TEX9: variants seen among roughly 807,000 people sequenced by gnomAD.
TEX9 encodes testis expressed 9.
TEX9 carries 74 observed loss-of-function variants against 59.6 expected under a neutral mutation model. The ratio of observed to expected loss-of-function variants is 1.24; its 90% CI spans 1.03 to 1.51. The LOEUF (loss-of-function observed/expected upper bound fraction) is 1.51. Ranked by LOEUF, TEX9 falls within the 40% of genes most tolerant of loss-of-function variation. The probability of loss-of-function intolerance (pLI) is 0.00; values close to 1 mark genes in which losing one functional copy is unlikely to be tolerated. For missense variants in TEX9, 522 were observed against 447.8 expected, an observed-to-expected ratio of 1.17 and a Z score of -1.49; for synonymous variants, 186 against 152.2, an observed-to-expected ratio of 1.22 and a Z score of -1.64.
At chr15:56,354,200 A>G (rs1248673820) in intron 1 of TEX9, among the ~76,000 whole-genome samples, 3 of 152,198 alleles carry the variant, frequency 2.0e-5, no homozygotes, top group East Asian at 1.9e-4. Flanking sequence ...TTACATTAAT[A>G]CTCAGATGTC....
Position 56,389,526 on chromosome 15 carries a change from A to G in TEX9, c.395+126A>G, listed in dbSNP as rs2048110433. On this transcript the variant is annotated intron_variant, in intron 6 of 12. Coordinates refer to ENST00000352903, the Ensembl canonical transcript of TEX9. ...TACACCCTAAACATTAAGTTACACC[A>G]CATATATCTTATCCACATTCAGTAA... 7.8e-6 allele frequency: 5 copies of G among 643,498 alleles called. No individual in the cohort carries two copies. In the South Asian group the frequency reaches 1.1e-4, roughly 14 times the overall value. The allele number at this position is 643,498 out of a possible 1,614,324, so 39.9% of individuals were successfully genotyped here. A position where few individuals can be genotyped will look rare whatever the true frequency, so the allele number is the denominator to read the frequency against.
chr15:56,248,759 T>A (rs1281942471), intron 1 of TEX9: 1 of 152,212 alleles, frequency 6.6e-6, no homozygotes. Context: ...AAGGAGTGGC[T>A]GTGAACAGAA....
At chr15:56,365,747 G>C (rs1039639089) in intron 2 of TEX9, 77 bp downstream of exon 2, 3 of 1,579,468 alleles carry the variant, frequency 1.9e-6, no homozygotes, top group Non-Finnish European at 2.6e-6. Context: ...TTTTTCTGGA[G>C]ACTGGCTGGA....
intron 1 of TEX9, among the ~76,000 whole-genome samples, chr15:56,260,185 T>C (rs1311784972): frequency 6.6e-6 from 1 of 152,146 alleles, no homozygotes; most frequent in Non-Finnish European, 1.5e-5. Flanking sequence ...TCATCTGAAA[T>C]GACACTTTTA....
intron 1 of TEX9, among the ~76,000 whole-genome samples, chr15:56,331,235 G>C (rs2046133455): frequency 6.6e-6 from 1 of 151,982 alleles, no homozygotes; most frequent in Non-Finnish European, 1.5e-5. Context: ...TTTCAGCATT[G>C]GACAGATCAT....
chr15:56,432,812 C>T (rs1181646679), intron 12 of TEX9, among the ~76,000 whole-genome samples: 2 of 152,118 alleles, frequency 1.3e-5, no homozygotes, highest in Non-Finnish European at 2.9e-5. Context: ...ATGAGTTTCT[C>T]ATATTTGAAA....
At chr15:56,456,790 A>C in the TEX9 span, among the ~76,000 whole-genome samples, 21 of 152,088 alleles carry the variant, frequency 1.4e-4, no homozygotes, top group African/African-American at 5.1e-4. Context: ...ACATTCTGCT[A>C]ATCTTTTTTC....
At chr15:56,417,382 A>G (rs1596222218) in intron 10 of TEX9, among the ~76,000 whole-genome samples, 1 of 151,740 alleles carries the variant, frequency 6.6e-6, no homozygotes, top group East Asian at 1.9e-4. Context: ...TGTTCTAGAG[A>G]TTCTGGTATG....
intron 1 of TEX9, among the ~76,000 whole-genome samples, chr15:56,359,946 G>A (rs187831069): frequency 6.6e-6 from 1 of 152,228 alleles, no homozygotes; most frequent in Admixed American, 6.5e-5. Context: ...ACCTTCAGGG[G>A]TGTTGGATTT....
At chr15:56,317,856 A>G (rs1054978138) in intron 1 of TEX9, among the ~76,000 whole-genome samples, 1 of 152,036 alleles carries the variant, frequency 6.6e-6, no homozygotes, top group East Asian at 1.9e-4. Context: ...ATTTTATTCA[A>G]TTTTTGTTGG....
At chr15:56,322,117 G>T (rs2554284) in intron 1 of TEX9, among the ~76,000 whole-genome samples, 74,961 of 151,690 alleles carry the variant, frequency 0.49, 19,971 homozygotes, top group Non-Finnish European at 0.6. Flanking sequence ...CTCCGAGGAA[G>T]AGTGTTCCTG....
intron 1 of TEX9, among the ~76,000 whole-genome samples, chr15:56,321,759 C>G (rs1401312614): frequency 1.3e-5 from 2 of 152,136 alleles, no homozygotes; most frequent in Admixed American, 6.5e-5. Flanking sequence ...CTCTTTCAGT[C>G]ATGCTTAATT....
chr15:56,440,244 G>A (rs2050796005), intron 12 of TEX9, among the ~76,000 whole-genome samples: 1 of 152,008 alleles, frequency 6.6e-6, no homozygotes, highest in Non-Finnish European at 1.5e-5. Flanking sequence ...ATTTAAAAGT[G>A]GCTAAAATAA....
At chr15:56,407,562 T>G (rs2140102290) in intron 9 of TEX9, among the ~76,000 whole-genome samples, 1 of 152,286 alleles carries the variant, frequency 6.6e-6, no homozygotes, top group South Asian at 2.1e-4. Flanking sequence ...TGGCCCCTCT[T>G]TCATTTCTGA....
intron 10 of TEX9, among the ~76,000 whole-genome samples, chr15:56,424,080 G>C (rs1312051640): frequency 6.6e-6 from 1 of 152,130 alleles, no homozygotes; most frequent in African/African-American, 2.4e-5. Context: ...TATTGGAAGT[G>C]GGGTATTGAA....
intron 9 of TEX9, among the ~76,000 whole-genome samples, chr15:56,401,147 T>A (rs1473850441): frequency 6.6e-6 from 1 of 151,942 alleles, no homozygotes; most frequent in African/African-American, 2.4e-5. Context: ...ACCTTAAATG[T>A]AAATAGGCTA....
chr15:56,364,739 C>G (rs1454639380), upstream of TEX9, among the ~76,000 whole-genome samples: 1 of 152,188 alleles, frequency 6.6e-6, no homozygotes, highest in African/African-American at 2.4e-5. Context: ...TTCTAAAGAT[C>G]AGATGACCAT....
intron 1 of TEX9, among the ~76,000 whole-genome samples, chr15:56,295,313 T>C (rs765189109): frequency 1.3e-5 from 2 of 152,218 alleles, no homozygotes; most frequent in Middle Eastern, 3.2e-3. Flanking sequence ...AGAGCTGCTT[T>C]GTAAATGTGG....
chr15:56,409,029 C>G (rs2049218057), intron 9 of TEX9: 1 of 152,200 alleles, frequency 6.6e-6, no homozygotes, highest in Non-Finnish European at 1.5e-5. Context: ...AACCCCATCT[C>G]TACTAAAACT....
Sources: gnomAD v4.1 joint callset for allele counts (sites outside exome capture counted in the v4.1 genomes callset) on GRCh38, gnomAD v4.1.1 for gene constraint, MANE v1.5 for transcripts, NCBI Gene and HGNC (gene_info 2026-07-23, HGNC 2026-07-21) for gene names.